The following KAZN variants were observed in gnomAD, a reference collection of about 807,000 sequenced individuals.
The protein encoded by KAZN is kazrin, periplakin interacting protein, also known as kazrin.
A neutral mutation model predicts 87.4 loss-of-function variants in KAZN; 40 were observed. The observed-to-expected ratio is 0.46, with a 90% CI of 0.36 to 0.60. The LOEUF (loss-of-function observed/expected upper bound fraction) is 0.60. Among genes scored for constraint, KAZN ranks in the 20% least tolerant of loss-of-function variants. The pLI is 0.00. For synonymous variants in KAZN, 466 were observed against 458.3 expected (o/e 1.02, Z -0.22); for missense variants, 898 against 1,073.9 (o/e 0.84, Z 2.29).
chr1:14,043,396 C>T (rs929472213), intron 1 of KAZN, among the ~76,000 whole-genome samples: 10 of 152,146 alleles, frequency 6.6e-5, no homozygotes, highest in South Asian at 2.1e-4. Flanking sequence ...ATGCCGTAAA[C>T]GTGGGTGTAC....
chr1:14,316,531 TG>T (rs1655668552), intron 2 of KAZN, among the ~76,000 whole-genome samples: 2 of 152,138 alleles, frequency 1.3e-5, no homozygotes, highest in South Asian at 4.1e-4. Context: ...TTTTCTCTAT[TG>T]CTTGTCCATT....
chr1:14,538,512 A>G (rs1224592477), intron 2 of KAZN, among the ~76,000 whole-genome samples: 1 of 152,154 alleles, frequency 6.6e-6, no homozygotes, highest in Admixed American at 6.5e-5. Flanking sequence ...CTCCGAGGGG[A>G]GAAATGCTGT....
At chr1:14,038,144 CAGTGAACAAA>C (rs1641640867) in intron 1 of KAZN, among the ~76,000 whole-genome samples, 1 of 152,152 alleles carries the variant, frequency 6.6e-6, no homozygotes, top group Non-Finnish European at 1.5e-5. Flanking sequence ...CTAGGACCCT[CAGTGAACAAA>C]AGTGACAAGC....
intron 2 of KAZN, among the ~76,000 whole-genome samples, chr1:14,415,468 C>A (rs1664671269): frequency 6.6e-6 from 1 of 152,068 alleles, no homozygotes; most frequent in Non-Finnish European, 1.5e-5. Context: ...TTTGGGTGCT[C>A]CAGCTGATTT....
intron 2 of KAZN, among the ~76,000 whole-genome samples, chr1:15,031,553 G>GTGTGT (rs139569205): frequency 0.12 from 18,264 of 146,300 alleles, 1,241 homozygotes; most frequent in Middle Eastern, 0.15. Context: ...GCTACTCAGG[G>GTGTGT]TGTGTTGTGT....
At chr1:14,162,899 A>G (rs1204181155) in intron 1 of KAZN, among the ~76,000 whole-genome samples, 3 of 152,062 alleles carry the variant, frequency 2.0e-5, no homozygotes, top group African/African-American at 4.8e-5. Context: ...CTTTTTGCCT[A>G]GGAACCATTT....
intron 1 of KAZN, among the ~76,000 whole-genome samples, chr1:13,899,328 G>A (rs1423630082): frequency 6.6e-6 from 1 of 152,170 alleles, no homozygotes; most frequent in Non-Finnish European, 1.5e-5. Context: ...GAGAAAACTC[G>A]AGGCCCGTAA....
At chr1:14,916,097 T>C (rs1657782229) in intron 1 of KAZN, among the ~76,000 whole-genome samples, 1 of 152,054 alleles carries the variant, frequency 6.6e-6, no homozygotes, top group Non-Finnish European at 1.5e-5. Flanking sequence ...CTTAGAACAC[T>C]GCCTGGCACA....
Position 14,402,251 on chromosome 1 carries a change from AT to A in KAZN, c.250-196731del, listed in dbSNP as rs565360440. ...GTTTCTATAGGCCAAAAAAAAAAAA[AT>A]CTTCGATGTTATAGGAAAAATAGCC... is the stretch of plus-strand genomic sequence containing the variant. On this transcript the variant is annotated intron_variant, in intron 2 of 16. Coordinates refer to the KAZN transcript ENST00000636203. Among the ~76,000 whole-genome samples, 1,030 of 151,900 alleles carry A rather than the reference AT, an allele frequency of 6.8e-3. 16 individuals carry two copies. Among genetic ancestry groups the A allele is most frequent in the African/African-American group, 0.023 (973 of 41,502 alleles).
intron 1 of KAZN, among the ~76,000 whole-genome samples, chr1:14,180,223 A>G (rs1260183524): frequency 1.3e-5 from 2 of 152,106 alleles, no homozygotes; most frequent in East Asian, 1.9e-4. Context: ...CAAGCACTCT[A>G]TGTAGGCTTG....
At position 13,918,841 on chromosome 1, in the gene KAZN, A is replaced by T. The variant is rs554420656; in HGVS notation, c.91+25085A>T. 2.2e-3 allele frequency among the ~76,000 whole-genome samples: 337 copies of T among 151,972 alleles called. 1 individual carries two copies. The highest frequency in any genetic ancestry group is 3.3e-3 in the Non-Finnish European group (221 of 67,952). On this transcript the variant is annotated intron_variant, in intron 1 of 16. Transcript: ENST00000636203. Reference sequence around the variant, plus strand: ...AGAGTATTAGCATTTTTTATTTTTTATTTTTTTTGAAACAGGGTCTCAGTC... The same window carrying T: ...AGAGTATTAGCATTTTTTATTTTTTTTTTTTTTTGAAACAGGGTCTCAGTC...
intron 2 of KAZN, among the ~76,000 whole-genome samples, chr1:14,568,636 T>C (rs1035674960): frequency 2.0e-5 from 3 of 152,062 alleles, no homozygotes; most frequent in Non-Finnish European, 4.4e-5. Flanking sequence ...CCACAACACA[T>C]GGGGATTCTT....
intron 2 of KAZN, among the ~76,000 whole-genome samples, chr1:14,268,659 T>C (rs1433821303): frequency 6.6e-6 from 1 of 152,084 alleles, no homozygotes; most frequent in African/African-American, 2.4e-5. Flanking sequence ...GTTTAATAGG[T>C]GATGATATAT....
intron 2 of KAZN, among the ~76,000 whole-genome samples, chr1:14,536,109 G>C (rs904765281): frequency 6.6e-6 from 1 of 152,202 alleles, no homozygotes; most frequent in Non-Finnish European, 1.5e-5. Context: ...ATGCAGGCTA[G>C]AGCATGGTCA....
At chr1:14,273,415 T>C (rs193262509) in intron 2 of KAZN, among the ~76,000 whole-genome samples, 85 of 152,322 alleles carry the variant, frequency 5.6e-4, no homozygotes, top group African/African-American at 2.0e-3. Flanking sequence ...CTTAATGATA[T>C]ATGTATATGA....
chr1:14,050,165 TGTGG>T (rs1292817956), intron 1 of KAZN, among the ~76,000 whole-genome samples: 2 of 151,258 alleles, frequency 1.3e-5, no homozygotes, highest in African/African-American at 2.4e-5. Context: ...TGTGCGCGTG[TGTGG>T]GTGTGTGCGC....
At chr1:15,026,031 A>C (rs1671126358) in intron 2 of KAZN, among the ~76,000 whole-genome samples, 1 of 152,014 alleles carries the variant, frequency 6.6e-6, no homozygotes, top group South Asian at 2.1e-4. Context: ...GGAAAAAAAA[A>C]CAAATAAACT....
At chr1:14,258,073 A>G (rs749546306) in intron 2 of KAZN, among the ~76,000 whole-genome samples, 9 of 151,620 alleles carry the variant, frequency 5.9e-5, no homozygotes, top group African/African-American at 1.2e-4. Flanking sequence ...CAAGAGACTG[A>G]ACGGATGAAG....
chr1:15,036,577 G>T (rs1672359535), intron 3 of KAZN, among the ~76,000 whole-genome samples: 1 of 152,148 alleles, frequency 6.6e-6, no homozygotes, highest in Non-Finnish European at 1.5e-5. Flanking sequence ...CTGGCATGGG[G>T]AGCAACTCAT....
Sources: allele counts gnomAD v4.1 joint callset (sites outside exome capture counted in the v4.1 genomes callset), GRCh38; gene constraint gnomAD v4.1.1; transcripts MANE v1.5; gene names NCBI Gene and HGNC (gene_info 2026-07-23, HGNC 2026-07-21).